LRCH3: variants seen among roughly 807,000 people sequenced by gnomAD.
LRCH3 encodes the protein DISP complex protein LRCH3.
LRCH3 carries 68 observed loss-of-function variants against 104.5 expected under a neutral mutation model. The ratio of observed to expected loss-of-function variants is 0.65; its 90% confidence interval spans 0.54 to 0.80. LRCH3 has a LOEUF of 0.80. Among genes scored for constraint, LRCH3 ranks in the 30% least tolerant of loss-of-function variants. The pLI, the probability that LRCH3 is intolerant of heterozygous loss-of-function variation, is 0.00. For synonymous variants in LRCH3, 344 were observed against 361.3 expected, an observed-to-expected ratio of 0.95 and a Z score of 0.54; for missense variants, 951 against 953.9, an observed-to-expected ratio of 1.00 and a Z score of 0.04.
chr3:197,845,563 T>C (rs540023091), intron 10 of LRCH3, among the ~76,000 whole-genome samples: 1 of 152,284 alleles, frequency 6.6e-6, no homozygotes, highest in East Asian at 1.9e-4. Flanking sequence ...CAATATTTCT[T>C]AAGCACTAGA....
At chr3:197,865,943 C>T (rs894490544) in intron 16 of LRCH3, among the ~76,000 whole-genome samples, 169 bp from the exon 17 acceptor site, 2 of 152,162 alleles carry the variant, frequency 1.3e-5, no homozygotes, top group South Asian at 4.1e-4. Flanking sequence ...TACATACAAG[C>T]GGTCCTCCTG....
chr3:197,873,395 C>G, intron 19 of LRCH3, among the ~76,000 whole-genome samples: 1 of 152,094 alleles, frequency 6.6e-6, no homozygotes, highest in East Asian at 1.9e-4. Context: ...TCCCTTAAGC[C>G]CATAGCCAGT....
chr3:197,800,582 C>T (rs1216178199), intron 1 of LRCH3, among the ~76,000 whole-genome samples: 2 of 152,124 alleles, frequency 1.3e-5, no homozygotes. Flanking sequence ...TGAATTGGTG[C>T]CTCAACTTTG....
intron 18 of LRCH3, among the ~76,000 whole-genome samples, chr3:197,871,106 T>C (rs1712131099): frequency 6.6e-6 from 1 of 152,182 alleles, no homozygotes; most frequent in Non-Finnish European, 1.5e-5. Context: ...CAGAAAGTTG[T>C]AAATGAATTT....
At chr3:197,867,516 G>T (rs933111222) in intron 17 of LRCH3, among the ~76,000 whole-genome samples, 1 of 151,364 alleles carries the variant, frequency 6.6e-6, no homozygotes, top group Non-Finnish European at 1.5e-5. Flanking sequence ...TCAGGAGTTC[G>T]AGACCATCCT....
At chr3:197,808,313 C>G (rs1000037273) in intron 1 of LRCH3, among the ~76,000 whole-genome samples, 1 of 152,216 alleles carries the variant, frequency 6.6e-6, no homozygotes. Flanking sequence ...TCTCAGACTT[C>G]TAGCCTCCAG....
At position 197,830,703 on chromosome 3, in the gene LRCH3, CTGTT is replaced by C. The variant is rs536065732; in HGVS notation, c.888-65_888-62del. The C allele has an allele frequency of 6.7e-3, 8,652 of 1,282,132 alleles. 30 individuals carry two copies. Among genetic ancestry groups the C allele is most frequent in the Non-Finnish European group, 8.6e-3 (7,688 of 894,982 alleles). 79.4% of individuals were successfully genotyped at this position (1,282,132 alleles called of 1,614,324 possible). On this transcript the variant is annotated intron_variant, in intron 6 of 20. Coordinates refer to ENST00000425562, the MANE Select transcript of LRCH3 (RefSeq NM_001365715.1). ...ATTTCTTGTTTTTTAGAAAATTGAT[CTGTT>C]TAATTTCAAATTTTAATTGTTAAAA...
intron 8 of LRCH3, 74 bp downstream of exon 8, chr3:197,832,391 C>T: frequency 6.6e-7 from 1 of 1,515,404 alleles, no homozygotes; most frequent in Non-Finnish European, 9.0e-7. Flanking sequence ...TTCATACCCA[C>T]TCCTTTTGTT....
chr3:197,876,450 G>T (rs2109550973), intron 20 of LRCH3: 1 of 152,226 alleles, frequency 6.6e-6, no homozygotes, highest in East Asian at 1.9e-4. Context: ...ATTACAAATA[G>T]TTAAATTTAT....
Position 197,883,021 on chromosome 3 carries a change from C to A in LRCH3, c.2209-520C>A. Reference sequence around the variant, plus strand: ...TTCTTGCCCTATCTGGTCTGGAAACCCTGGTTTTCACAGTCAGGATTATAA... The same window carrying A: ...TTCTTGCCCTATCTGGTCTGGAAACACTGGTTTTCACAGTCAGGATTATAA... On this transcript the variant is annotated intron_variant, in intron 20 of 20. Coordinates refer to ENST00000425562, the MANE Select transcript of LRCH3 (RefSeq NM_001365715.1). This position sits in a 1 kb window ranked among gnomAD's most constrained non-coding sequence, Gnocchi z 4.2. The A allele has an allele frequency of 1.0e-6, 1 of 985,390 alleles. No individual in the cohort carries two copies. Among genetic ancestry groups the A allele is most frequent in the Non-Finnish European group, 1.2e-6 (1 of 829,936 alleles). The allele number at this position is 985,390 out of a possible 1,614,324, so 61.0% of individuals were successfully genotyped here.
chr3:197,869,714 T>C (rs58954044), intron 17 of LRCH3, among the ~76,000 whole-genome samples: 8 of 130,876 alleles, frequency 6.1e-5, no homozygotes, highest in East Asian at 4.5e-4. Context: ...GCACTGTACC[T>C]GCAGGAGGTA....
chr3:197,864,610 C>CAA (rs541948003), intron 15 of LRCH3, among the ~76,000 whole-genome samples: 5 of 95,720 alleles, frequency 5.2e-5, no homozygotes, highest in East Asian at 3.5e-4. Flanking sequence ...AACTCCATCT[C>CAA]AAAAAAAAAA....
At chr3:197,825,633 C>A (rs1422062303) in intron 4 of LRCH3, among the ~76,000 whole-genome samples, 3 of 151,226 alleles carry the variant, frequency 2.0e-5, no homozygotes, top group Non-Finnish European at 4.4e-5. Flanking sequence ...GCGCCCGCCA[C>A]CACGCCCAGC....
At chr3:197,880,438 C>T in intron 20 of LRCH3, 9 of 1,108,648 alleles carry the variant, frequency 8.1e-6, no homozygotes, top group Non-Finnish European at 1.2e-5. Flanking sequence ...CATATGAATT[C>T]TATACTCAAA....
At chr3:197,812,920 A>G (rs988351025) in intron 1 of LRCH3, among the ~76,000 whole-genome samples, 20 of 152,058 alleles carry the variant, frequency 1.3e-4, no homozygotes, top group Admixed American at 1.3e-3. Context: ...TCATAAATAT[A>G]CTTCCGTGTT....
intron 10 of LRCH3, among the ~76,000 whole-genome samples, chr3:197,842,575 C>T (rs1212628914): frequency 1.3e-5 from 2 of 152,004 alleles, no homozygotes; most frequent in Admixed American, 1.3e-4. Flanking sequence ...TTTTTTCTTC[C>T]AGTTCTTTTC....
chr3:197,797,822 T>C lies in LRCH3; in HGVS notation c.262+6282T>C, dbSNP rs1182911135. On this transcript the variant is annotated intron_variant, in intron 1 of 20. Coordinates refer to ENST00000425562, the MANE Select transcript of LRCH3 (RefSeq NM_001365715.1). ...TTGCAGTGAGCTGAGATGGCGCCTCTGCACCCCAGCACTGGCAACAGAGCG... is the reference window on the plus strand; with the variant it reads ...TTGCAGTGAGCTGAGATGGCGCCTCCGCACCCCAGCACTGGCAACAGAGCG... Among the ~76,000 whole-genome samples, 8 of 136,784 alleles carry C rather than the reference T, an allele frequency of 5.8e-5. 1 individual carries two copies. Among genetic ancestry groups the C allele is most frequent in the South Asian group, 4.4e-4 (2 of 4,524 alleles). The allele number at this position is 136,784 out of a possible 152,430, so 89.7% of individuals were successfully genotyped here. A position where few individuals can be genotyped will look rare whatever the true frequency, so the allele number is the denominator to read the frequency against.
At chr3:197,871,066 T>G (rs1000779010) in intron 18 of LRCH3, among the ~76,000 whole-genome samples, 1 of 152,150 alleles carries the variant, frequency 6.6e-6, no homozygotes, top group African/African-American at 2.4e-5. Context: ...ATGTTGGAAT[T>G]GAAGGAGAAT....
chr3:197,812,504 G>GTTTTTTTTTTTTTTTTTTTTTTTTTTTTT lies in LRCH3; in HGVS notation c.263-2378_263-2377insTTTTTTTTTTTTTTTTTTTTTTTTTTTTT. ...ATATCTGTTCAAGTCTCTGCTTTCA[G>GTTTTTTTTTTTTTTTTTTTTTTTTTTTTT]TTTTTTTTTTTTTTTTTTTTTTTTT... On this transcript the variant is annotated intron_variant, in intron 1 of 20. Transcript: ENST00000425562. 4.9e-4 allele frequency among the ~76,000 whole-genome samples: 24 copies of GTTTTTTTTTTTTTTTTTTTTTTTTTTTTT among 48,976 alleles called. 11 individuals carry two copies. The highest frequency in any genetic ancestry group is 6.7e-4 in the Non-Finnish European group (19 of 28,496). 32.1% of individuals were successfully genotyped at this position (48,976 alleles called of 152,430 possible).
Sources: gnomAD v4.1 joint callset for allele counts (sites outside exome capture counted in the v4.1 genomes callset) on GRCh38, gnomAD v4.1.1 for gene constraint, Gnocchi (gnomAD v3.1) non-coding constraint, MANE v1.5 for transcripts, NCBI Gene and HGNC (gene_info 2026-07-23, HGNC 2026-07-21) for gene names.